KCTD16: variants seen among roughly 807,000 people sequenced by gnomAD.
KCTD16 encodes potassium channel tetramerization domain containing 16.
Under a neutral mutation model 33.2 loss-of-function variants are expected in KCTD16, and 13 were observed. The observed-to-expected ratio is 0.39, with a 90% CI of 0.25 to 0.62. The LOEUF (loss-of-function observed/expected upper bound fraction) is 0.62, where lower values mean the gene tolerates loss of function less well. Ranked by LOEUF, KCTD16 falls within the 20% of genes least tolerant of loss-of-function variation. The pLI is 0.50. For synonymous variants in KCTD16, 197 were observed against 195.3 expected (o/e 1.01, Z -0.07); for missense variants, 441 against 525.1 (o/e 0.84, Z 1.57).
chr5:144,430,454 C>T (rs991205784), intron 3 of KCTD16, among the ~76,000 whole-genome samples: 3 of 152,012 alleles, frequency 2.0e-5, no homozygotes, highest in African/African-American at 4.8e-5. Context: ...GGTTGGCTTC[C>T]GGGCCAGGCT....
chr5:144,323,461 T>C (rs1752126567), intron 3 of KCTD16, among the ~76,000 whole-genome samples: 1 of 151,858 alleles, frequency 6.6e-6, no homozygotes, highest in South Asian at 2.1e-4. Context: ...TAAATCCAAG[T>C]AAAGGGGAAA....
intron 3 of KCTD16, among the ~76,000 whole-genome samples, chr5:144,259,509 C>T (rs976681445): frequency 3.3e-5 from 5 of 152,168 alleles, no homozygotes; most frequent in African/African-American, 1.2e-4. Flanking sequence ...CATTTGCAGA[C>T]CATGTAGCTG....
At chr5:144,465,189 CT>C (rs1242788364) in intron 3 of KCTD16, among the ~76,000 whole-genome samples, 25,307 of 110,626 alleles carry the variant, frequency 0.23, 4,232 homozygotes, top group East Asian at 0.5. Context: ...TCTCCCCCCC[CT>C]CTCTCTCTCA....
Position 144,251,531 on chromosome 5 carries a change from T to C in KCTD16, c.832+43985T>C, listed in dbSNP as rs148172212. Among the ~76,000 whole-genome samples, 585 of 152,288 alleles carry C rather than the reference T, an allele frequency of 3.8e-3. 4 individuals carry two copies. Among genetic ancestry groups the C allele is most frequent in the Admixed American group, 0.022 (336 of 15,292 alleles). On this transcript the variant is annotated intron_variant, in intron 3 of 3. Coordinates refer to ENST00000512467, the MANE Select transcript of KCTD16 (RefSeq NM_020768.4). ...AAGTAGCAGAAACAATAGACAACCT[T>C]TTCAATGCTATTATATAACTAAAAT...
At chr5:144,291,829 C>T (rs186551430) in intron 3 of KCTD16, among the ~76,000 whole-genome samples, 1 of 152,188 alleles carries the variant, frequency 6.6e-6, no homozygotes, top group East Asian at 1.9e-4. Context: ...TACCACATAC[C>T]GTGTAATATT....
intron 3 of KCTD16, among the ~76,000 whole-genome samples, chr5:144,394,268 A>C (rs1031282507): frequency 1.3e-5 from 2 of 151,510 alleles, no homozygotes; most frequent in Non-Finnish European, 2.9e-5. Flanking sequence ...TTTTCAATAT[A>C]CTTTTTTTTG....
At chr5:144,388,365 G>GCCAC (rs1752378767) in intron 3 of KCTD16, among the ~76,000 whole-genome samples, 1 of 152,100 alleles carries the variant, frequency 6.6e-6, no homozygotes, top group Non-Finnish European at 1.5e-5. Flanking sequence ...ACAGGCGTGA[G>GCCAC]CCACCGCGCC....
intron 2 of KCTD16, among the ~76,000 whole-genome samples, chr5:144,202,460 T>A (rs2126786421): frequency 6.6e-6 from 1 of 152,298 alleles, no homozygotes; most frequent in South Asian, 2.1e-4. Context: ...TTCGTTTTCA[T>A]CCCTGAGACT....
In KCTD16 at chr5:144,479,464, TG is replaced by T. The variant is rs756607462; in HGVS notation, c.*5352del. 5 of 151,588 alleles carry T rather than the reference TG, an allele frequency of 3.3e-5. No homozygotes were observed. Among genetic ancestry groups the T allele is most frequent in the Non-Finnish European group, 7.4e-5 (5 of 67,852 alleles). 9.4% of individuals were successfully genotyped at this position (151,588 alleles called of 1,614,324 possible). A position where few individuals can be genotyped will look rare whatever the true frequency, so the allele number is the denominator to read the frequency against. On this transcript the variant is annotated 3_prime_UTR_variant, in exon 4 of 4. Coordinates refer to ENST00000512467, the MANE Select transcript of KCTD16 (RefSeq NM_020768.4). ...GACCCTATTCATTTAACAGAGTAACTGGATACATACCAAATTCCCACGTTAT... is the reference window on the plus strand; with the variant it reads ...GACCCTATTCATTTAACAGAGTAACTGATACATACCAAATTCCCACGTTAT...
At chr5:144,354,661 A>T (rs1751531433) in intron 3 of KCTD16, among the ~76,000 whole-genome samples, 1 of 152,208 alleles carries the variant, frequency 6.6e-6, no homozygotes, top group African/African-American at 2.4e-5. Context: ...TTCTGAATAC[A>T]TTTATTGAAT....
intron 3 of KCTD16, among the ~76,000 whole-genome samples, chr5:144,471,063 C>T (rs1754458549): frequency 2.0e-5 from 3 of 152,046 alleles, no homozygotes; most frequent in South Asian, 4.2e-4. Context: ...ATCTGTAGTC[C>T]CTGCTACTCA....
intron 3 of KCTD16, among the ~76,000 whole-genome samples, chr5:144,254,977 C>G (rs940892542): frequency 2.6e-5 from 4 of 152,048 alleles, no homozygotes; most frequent in African/African-American, 9.7e-5. Flanking sequence ...ATTGTCCAGG[C>G]TGGTCTTGAA....
In KCTD16 at chr5:144,194,440, T is replaced by A. The variant is rs529067237; in HGVS notation, c.-326-11949T>A. On this transcript the variant is annotated intron_variant, in intron 2 of 3. Coordinates refer to ENST00000512467, the MANE Select transcript of KCTD16 (RefSeq NM_020768.4). Reference sequence around the variant, plus strand: ...ATTGCTCTGTTTCCTTCCCTTCACATCTGTAAGGGGTCCAGAGTAAGGATT... The same window carrying A: ...ATTGCTCTGTTTCCTTCCCTTCACAACTGTAAGGGGTCCAGAGTAAGGATT... Among the ~76,000 whole-genome samples, 9 of 152,350 alleles carry A rather than the reference T, an allele frequency of 5.9e-5. No individual in the cohort carries two copies. The South Asian group carries it at 1.9e-3, about 32-fold the overall frequency.
intron 3 of KCTD16, among the ~76,000 whole-genome samples, chr5:144,396,670 TCCA>T (rs1752574355): frequency 6.6e-6 from 1 of 152,060 alleles, no homozygotes; most frequent in Non-Finnish European, 1.5e-5. Context: ...ACCTCTCAAG[TCCA>T]CATCAGGCCT....
intron 3 of KCTD16, among the ~76,000 whole-genome samples, chr5:144,304,608 A>G (rs1751541611): frequency 6.6e-6 from 1 of 152,148 alleles, no homozygotes; most frequent in Non-Finnish European, 1.5e-5. Context: ...CATTATATGG[A>G]AGAAGTGAGT....
intron 3 of KCTD16, among the ~76,000 whole-genome samples, chr5:144,395,818 G>A (rs915177866): frequency 6.6e-6 from 1 of 152,158 alleles, no homozygotes; most frequent in Non-Finnish European, 1.5e-5. Context: ...TGGCAGTGCA[G>A]CAGCCACTCT....
At chr5:144,459,553 C>T (rs142862025) in intron 3 of KCTD16, among the ~76,000 whole-genome samples, 73 of 151,932 alleles carry the variant, frequency 4.8e-4, no homozygotes, top group African/African-American at 1.6e-3. Flanking sequence ...TTTCACTATG[C>T]TGTCCAGGCT....
At chr5:144,250,090 T>A (rs140123256) in intron 3 of KCTD16, among the ~76,000 whole-genome samples, 3 of 152,318 alleles carry the variant, frequency 2.0e-5, no homozygotes, top group Non-Finnish European at 2.9e-5. Context: ...GCTGGCAGTG[T>A]AACAGGAAAC....
intron 3 of KCTD16, among the ~76,000 whole-genome samples, chr5:144,442,383 G>A (rs768519787): frequency 1.3e-5 from 2 of 152,060 alleles, no homozygotes; most frequent in Admixed American, 1.3e-4. Flanking sequence ...GACTAGCAGA[G>A]TTGACTGTGA....
Sources: allele counts gnomAD v4.1 joint callset (sites outside exome capture counted in the v4.1 genomes callset), GRCh38; gene constraint gnomAD v4.1.1; transcripts MANE v1.5; gene names NCBI Gene and HGNC (gene_info 2026-07-23, HGNC 2026-07-21).